Variants in KLHL8 observed in about 807,000 individuals in gnomAD.
KLHL8 encodes kelch-like protein 8.
Under a neutral mutation model 63.5 loss-of-function variants are expected in KLHL8, and 38 were observed. That is an observed-to-expected ratio of 0.60 (90% CI 0.46 to 0.78). The LOEUF (loss-of-function observed/expected upper bound fraction) is 0.78. KLHL8 is among the 30% of genes least tolerant of loss of function. The pLI, the probability that KLHL8 is intolerant of heterozygous loss-of-function variation, is 0.00. For missense variants in KLHL8, 566 were observed against 752.4 expected, an observed-to-expected ratio of 0.75 and a Z score of 2.90; for synonymous variants, 224 against 254.3, an observed-to-expected ratio of 0.88 and a Z score of 1.13.
At chr4:87,218,764 T>TC (rs1178090083) in intron 1 of KLHL8, among the ~76,000 whole-genome samples, 3 of 152,158 alleles carry the variant, frequency 2.0e-5, no homozygotes, top group African/African-American at 7.2e-5. Flanking sequence ...AGATGGAGTC[T>TC]CACTCTGTCG....
At position 87,163,659 on chromosome 4, in the gene KLHL8, G is replaced by C; in HGVS notation, c.1740-17C>G. 6.2e-7 allele frequency: 1 copy of C among 1,609,622 alleles called. No homozygotes were observed. Among genetic ancestry groups the C allele is most frequent in the Non-Finnish European group, 8.5e-7 (1 of 1,178,842 alleles). On this transcript the variant is annotated splice_polypyrimidine_tract_variant and intron_variant, in intron 9 of 9. Coordinates refer to ENST00000273963, the MANE Select transcript of KLHL8 (RefSeq NM_020803.5). ...AGCTCCCACCTGAAAAGACGGAGAA[G>C]AAAAAATGTTACAAAGCATAATTTA... is the stretch of plus-strand genomic sequence containing the variant.
upstream of KLHL8, among the ~76,000 whole-genome samples, chr4:87,224,427 G>T (rs922805820): frequency 6.6e-6 from 1 of 152,136 alleles, no homozygotes; most frequent in Non-Finnish European, 1.5e-5. Context: ...GTGGCTTGCC[G>T]AGGGATTTGG....
At chr4:87,176,510 A>G (rs1338118896) in intron 6 of KLHL8, among the ~76,000 whole-genome samples, 1 of 152,224 alleles carries the variant, frequency 6.6e-6, no homozygotes, top group Non-Finnish European at 1.5e-5. Flanking sequence ...ATGTTTAAAA[A>G]AATCAATGCT....
chr4:87,166,083 G>T (rs940533863), intron 8 of KLHL8, among the ~76,000 whole-genome samples: 1 of 152,318 alleles, frequency 6.6e-6, no homozygotes, highest in East Asian at 1.9e-4. Flanking sequence ...TGTAACATAA[G>T]AACTTTGGAT....
intron 4 of KLHL8, among the ~76,000 whole-genome samples, chr4:87,179,262 G>A (rs1560696145): frequency 6.6e-6 from 1 of 152,130 alleles, no homozygotes; most frequent in Non-Finnish European, 1.5e-5. Flanking sequence ...TGTCCTATCT[G>A]TTCCTCTCTA....
chr4:87,161,093 G>C lies in KLHL8; in HGVS notation c.*2426C>G, dbSNP rs1730148962. 1 of 146,198 alleles carries C rather than the reference G, an allele frequency of 6.8e-6. No homozygotes were observed. The highest frequency in any genetic ancestry group is 2.6e-5 in the African/African-American group (1 of 39,190). The allele number at this position is 146,198 out of a possible 1,614,324, so 9.1% of individuals were successfully genotyped here. ...GAGTTTCACTCTTGTTTCACCGCTG[G>C]AGTGCGATGGCTCAACCTCGGCTCA... On this transcript the variant is annotated 3_prime_UTR_variant, in exon 10 of 10. Transcript: ENST00000273963.
chr4:87,203,006 A>C (rs1017222560), intron 1 of KLHL8, among the ~76,000 whole-genome samples: 1 of 152,196 alleles, frequency 6.6e-6, no homozygotes, highest in African/African-American at 2.4e-5. Context: ...TCAATATTCA[A>C]AAAAATATAG....
rs1315887141 is a variant in KLHL8 at position 87,162,774 on chromosome 4, C to T, written c.*745G>A. The T allele has an allele frequency of 1.3e-5, 2 of 152,106 alleles. No individual in the cohort carries two copies. The highest frequency in any genetic ancestry group is 2.4e-5 in the African/African-American group (1 of 41,420). 9.4% of individuals were successfully genotyped at this position (152,106 alleles called of 1,614,324 possible). On this transcript the variant is annotated 3_prime_UTR_variant, in exon 10 of 10. Coordinates refer to ENST00000273963, the MANE Select transcript of KLHL8 (RefSeq NM_020803.5). ...GATCTAAAACCTTGTTCAATATTTC[C>T]TCTGGTTCACCTTTTGATTATGTAA...
At chr4:87,205,072 C>G (rs1732068914) in intron 1 of KLHL8, among the ~76,000 whole-genome samples, 1 of 152,078 alleles carries the variant, frequency 6.6e-6, no homozygotes, top group Non-Finnish European at 1.5e-5. Flanking sequence ...TAATCACAAG[C>G]CACTCTACTG....
intron 2 of KLHL8, among the ~76,000 whole-genome samples, chr4:87,190,312 A>C (rs1420878626): frequency 1.3e-5 from 2 of 152,154 alleles, no homozygotes; most frequent in East Asian, 3.9e-4. Context: ...CAGTTGCATA[A>C]CTTTGTAGGT....
intron 1 of KLHL8, among the ~76,000 whole-genome samples, chr4:87,195,957 G>T (rs2110014756): frequency 6.6e-6 from 1 of 152,116 alleles, no homozygotes; most frequent in East Asian, 1.9e-4. Flanking sequence ...CAAAGAGAAA[G>T]GCCATGAACT....
intron 1 of KLHL8, among the ~76,000 whole-genome samples, chr4:87,212,165 TC>T (rs1165829271): frequency 3.3e-5 from 5 of 152,218 alleles, no homozygotes; most frequent in Admixed American, 6.5e-5. Context: ...ACACTGCTGT[TC>T]ATATAAGCCT....
chr4:87,210,167 A>C (rs1394711557), intron 1 of KLHL8, among the ~76,000 whole-genome samples: 2 of 151,442 alleles, frequency 1.3e-5, no homozygotes, highest in Admixed American at 1.3e-4. Context: ...CCCAAATGGC[A>C]CTTTGAAAGC....
intron 1 of KLHL8, among the ~76,000 whole-genome samples, chr4:87,229,467 C>G (rs1268052133): frequency 6.8e-6 from 1 of 146,408 alleles, no homozygotes; most frequent in Non-Finnish European, 1.5e-5. Flanking sequence ...CAGGGTCTCA[C>G]TCTGTCACCT....
At chr4:87,217,787 T>TATA (rs1732657739) in intron 1 of KLHL8, among the ~76,000 whole-genome samples, 1 of 151,978 alleles carries the variant, frequency 6.6e-6, no homozygotes, top group Non-Finnish European at 1.5e-5. Context: ...TGTGGGGCCC[T>TATA]TTAGTTCTTA....
At chr4:87,207,431 C>T in intron 1 of KLHL8, 1 of 701,998 alleles carries the variant, frequency 1.4e-6, no homozygotes, top group Non-Finnish European at 2.6e-6. Flanking sequence ...CAGGAAGGAG[C>T]CAAAAGGGTC....
intron 1 of KLHL8, among the ~76,000 whole-genome samples, chr4:87,200,546 T>C (rs1157770842): frequency 6.6e-6 from 1 of 152,174 alleles, no homozygotes; most frequent in Non-Finnish European, 1.5e-5. Context: ...CAACTGTATA[T>C]AAAAAGATGT....
chr4:87,179,230 A>G (rs1730954248), intron 4 of KLHL8, among the ~76,000 whole-genome samples: 1 of 152,122 alleles, frequency 6.6e-6, no homozygotes, highest in Non-Finnish European at 1.5e-5. Context: ...GCCTACCTAA[A>G]CAACCTCTTC....
At chr4:87,181,832 T>C (rs574479924) in intron 4 of KLHL8, among the ~76,000 whole-genome samples, 4 of 152,296 alleles carry the variant, frequency 2.6e-5, no homozygotes, top group African/African-American at 9.6e-5. Context: ...GCATATAACC[T>C]AGGCTGCTAA....
Sources: gnomAD v4.1 joint callset for allele counts (sites outside exome capture counted in the v4.1 genomes callset) on GRCh38, gnomAD v4.1.1 for gene constraint, MANE v1.5 for transcripts, NCBI Gene and HGNC (gene_info 2026-07-23, HGNC 2026-07-21) for gene names.